Variants in PIWIL3 observed in about 807,000 individuals in gnomAD.
PIWIL3 encodes piwi-like protein 3.
A neutral mutation model predicts 109.7 loss-of-function variants in PIWIL3; 101 were observed. The observed-to-expected ratio is 0.92, with a 90% CI of 0.78 to 1.09. PIWIL3 has a LOEUF of 1.09. Among genes scored for constraint, PIWIL3 ranks in the 50% least tolerant of loss-of-function variants. The probability of loss-of-function intolerance (pLI) is 0.00; values close to 1 mark genes in which losing one functional copy is unlikely to be tolerated. For synonymous variants in PIWIL3, 373 were observed against 376.4 expected, an observed-to-expected ratio of 0.99 and a Z score of 0.10; for missense variants, 1,031 against 1,072.6, an observed-to-expected ratio of 0.96 and a Z score of 0.54.
intron 3 of PIWIL3, among the ~76,000 whole-genome samples, chr22:24,758,253 T>C (rs1925211802): frequency 6.6e-6 from 1 of 152,234 alleles, no homozygotes; most frequent in Non-Finnish European, 1.5e-5. Context: ...CTTGGCACTT[T>C]ATTCATTCCT....
chr22:24,749,065 AAAGC>A (rs769026145), intron 11 of PIWIL3, 44 bp from the exon 12 acceptor site: 1 of 1,469,258 alleles, frequency 6.8e-7, no homozygotes, highest in African/African-American at 1.4e-5. Flanking sequence ...CAAATAAGTA[AAAGC>A]AGCTAGCCAT....
intron 12 of PIWIL3, among the ~76,000 whole-genome samples, chr22:24,748,436 T>G (rs1041997068): frequency 1.3e-5 from 2 of 152,250 alleles, no homozygotes; most frequent in Non-Finnish European, 2.9e-5. Context: ...ATAATTGGTT[T>G]GTAACATGAA....
intron 8 of PIWIL3, among the ~76,000 whole-genome samples, chr22:24,752,823 A>G (rs562051703): frequency 2.6e-5 from 4 of 152,264 alleles, no homozygotes; most frequent in Admixed American, 1.3e-4. Flanking sequence ...ATCTTTCCAC[A>G]TCCTTGCCAA....
intron 4 of PIWIL3, among the ~76,000 whole-genome samples, chr22:24,757,320 C>G (rs1296905108): frequency 6.6e-6 from 1 of 151,894 alleles, no homozygotes; most frequent in East Asian, 1.9e-4. Flanking sequence ...TAAAAAAAGT[C>G]TCACTGCAGG....
At chr22:24,757,506 C>T (rs1925121754) in intron 4 of PIWIL3, among the ~76,000 whole-genome samples, 1 of 151,954 alleles carries the variant, frequency 6.6e-6, no homozygotes, top group Non-Finnish European at 1.5e-5. Context: ...TTAAAATGGG[C>T]CAGGTGTGGT....
intron 4 of PIWIL3, among the ~76,000 whole-genome samples, chr22:24,757,098 A>AAAAAAAAAAAAAAAAAAAAAAAAAAAAG (rs1555912998): frequency 1.4e-5 from 2 of 146,444 alleles, no homozygotes; most frequent in African/African-American, 5.2e-5. Context: ...AAAAAAAAAA[A>AAAAAAAAAAAAAAAAAAAAAAAAAAAAG]AAAAGAAAAG....
At chr22:24,726,458 T>C (rs948796607) in intron 16 of PIWIL3, among the ~76,000 whole-genome samples, 3 of 152,084 alleles carry the variant, frequency 2.0e-5, no homozygotes, top group Non-Finnish European at 2.9e-5. Flanking sequence ...AATTTTTGTA[T>C]TTTGTTTTAG....
At chr22:24,755,634 A>T in intron 6 of PIWIL3, 150 bp downstream of exon 6, 1 of 1,010,178 alleles carries the variant, frequency 9.9e-7, no homozygotes, top group South Asian at 1.7e-5. Flanking sequence ...TTGAGCCTCA[A>T]GTATCATTTC....
chr22:24,751,704 A>G (rs1329457003), intron 8 of PIWIL3, among the ~76,000 whole-genome samples: 1 of 152,228 alleles, frequency 6.6e-6, no homozygotes, highest in Non-Finnish European at 1.5e-5. Flanking sequence ...AATCATCAAG[A>G]CAAAGCAGCA....
intron 12 of PIWIL3, 32 bp downstream of exon 12, chr22:24,748,875 A>C: frequency 1.3e-6 from 2 of 1,548,958 alleles, no homozygotes; most frequent in Non-Finnish European, 1.8e-6. Context: ...ATTTGACCCC[A>C]CCATGACATG....
chr22:24,762,024 G>GT (rs1925468422), intron 2 of PIWIL3: 1 of 1,000,656 alleles, frequency 1.0e-6, no homozygotes. Flanking sequence ...GGCATAACAA[G>GT]TTTTCAACAA....
intron 12 of PIWIL3, among the ~76,000 whole-genome samples, chr22:24,745,717 G>GAAAAAAAAAAAAAAAA (rs71189273): frequency 1.2e-5 from 1 of 80,252 alleles, no homozygotes; most frequent in Non-Finnish European, 2.5e-5. Flanking sequence ...GTCAGACTAA[G>GAAAAAAAAAAAAAAAA]AAAAAAAAAA....
intron 18 of PIWIL3, among the ~76,000 whole-genome samples, chr22:24,723,727 T>G (rs771052226): frequency 6.6e-6 from 1 of 152,090 alleles, no homozygotes; most frequent in Non-Finnish European, 1.5e-5. Flanking sequence ...CAGGCTGGAG[T>G]GCAGTGGTGT....
intron 12 of PIWIL3, among the ~76,000 whole-genome samples, chr22:24,747,870 T>G (rs1431245164): frequency 6.6e-6 from 1 of 152,152 alleles, no homozygotes; most frequent in Admixed American, 6.5e-5. Context: ...GAGAACAGTT[T>G]GGAGGTTCCT....
chr22:24,720,219 C>A (rs1465609140), intron 19 of PIWIL3, among the ~76,000 whole-genome samples: 1 of 149,460 alleles, frequency 6.7e-6, no homozygotes, highest in African/African-American at 2.5e-5. Context: ...TGGATGAAGG[C>A]CTGCTGCCTC....
At position 24,728,036 on chromosome 22, in the gene PIWIL3, G is replaced by T. The variant is rs1447409313; in HGVS notation, c.1923C>A (p.Phe641Leu). The T allele has an allele frequency of 6.2e-7, 1 of 1,613,950 alleles. No individual in the cohort carries two copies. Residue 641 changes from phenylalanine (F) to leucine (L), a missense_variant, in exon 16 of 21, where the codon TTC (phenylalanine) becomes TTA (leucine). Physicochemically the swap from Phe to Leu is conservative, Grantham distance 22. Transcript: ENST00000616349. Reference protein sequence around the residue: ...KVETDVQRTMFVGIDCFHDIV... With the variant: ...KVETDVQRTMLVGIDCFHDIV... Reference sequence around the variant, plus strand: ...TATCGTGGAAACAATCAATGCCAACGAACATTGTTCTTTGTACCTTAAGTT... The same window carrying T: ...TATCGTGGAAACAATCAATGCCAACTAACATTGTTCTTTGTACCTTAAGTT...
intron 1 of PIWIL3, among the ~76,000 whole-genome samples, chr22:24,772,218 G>A (rs1488748742): frequency 6.6e-6 from 1 of 152,150 alleles, no homozygotes; most frequent in East Asian, 1.9e-4. Context: ...TTAATAAAGA[G>A]AAGTAAATCT....
At chr22:24,727,658 T>G (rs936970832) in intron 16 of PIWIL3, among the ~76,000 whole-genome samples, 1 of 152,180 alleles carries the variant, frequency 6.6e-6, no homozygotes. Context: ...CCTGAGAGCG[T>G]GAACTACCAG....
chr22:24,723,258 TA>T lies in PIWIL3; in HGVS notation c.2232-4del. 1 of 1,608,028 alleles carries T rather than the reference TA, an allele frequency of 6.2e-7. No individual in the cohort carries two copies. Among genetic ancestry groups the T allele is most frequent in the Non-Finnish European group, 8.5e-7 (1 of 1,176,412 alleles). On this transcript the variant is annotated splice_region_variant and splice_polypyrimidine_tract_variant and intron_variant, in intron 18 of 20. Coordinates refer to ENST00000616349, the MANE Select transcript of PIWIL3 (RefSeq NM_001255975.1). ...CCACAATGAAAGCTAGAGTGAAACT[TA>T]AAAAAATTAGGGTAAGTGTCACTAT... is the stretch of plus-strand genomic sequence containing the variant.
Sources: gnomAD v4.1 joint callset for allele counts (sites outside exome capture counted in the v4.1 genomes callset) on GRCh38, gnomAD v4.1.1 for gene constraint, MANE v1.5 for transcripts, NCBI Gene and HGNC (gene_info 2026-07-23, HGNC 2026-07-21) for gene names.